MEP1A: variants seen among roughly 807,000 people sequenced by gnomAD.
The protein encoded by MEP1A is N-benzoyl-L-tyrosyl-P-amino-benzoic acid hydrolase subunit alpha.
MEP1A carries 68 observed loss-of-function variants against 84.5 expected under a neutral mutation model. The observed-to-expected ratio is 0.80, with a 90% CI of 0.66 to 0.98. MEP1A has a LOEUF of 0.98. MEP1A is among the 50% of genes least tolerant of loss of function. MEP1A has a pLI of 0.00. For synonymous variants in MEP1A, 337 were observed against 336.8 expected (o/e 1.00, Z -0.01); for missense variants, 887 against 919.9 (o/e 0.96, Z 0.46).
chr6:46,799,624 A>G (rs553906955), intron 5 of MEP1A, among the ~76,000 whole-genome samples: 2 of 152,220 alleles, frequency 1.3e-5, no homozygotes, highest in East Asian at 3.9e-4. Context: ...CATGTTCACA[A>G]TCCTTTTTTC....
At chr6:46,839,857 TC>T (rs1255664265), downstream of MEP1A, 1 of 152,150 alleles carries the variant, frequency 6.6e-6, no homozygotes, top group East Asian at 1.9e-4. Flanking sequence ...AAAAGCTCTT[TC>T]CCAGATCTTT....
At chr6:46,840,370 C>T (rs1768311614), downstream of MEP1A, among the ~76,000 whole-genome samples, 2 of 152,270 alleles carry the variant, frequency 1.3e-5, no homozygotes. Context: ...GTTTCTGGGT[C>T]AGTAGATCTA....
At chr6:46,840,493 C>T (rs1189903913), downstream of MEP1A, among the ~76,000 whole-genome samples, 1 of 152,154 alleles carries the variant, frequency 6.6e-6, no homozygotes, top group Admixed American at 6.6e-5. Flanking sequence ...CTGACTCCCC[C>T]ACAACCTCCA....
At chr6:46,805,433 T>C (rs1562105751) in intron 5 of MEP1A, among the ~76,000 whole-genome samples, 1 of 152,008 alleles carries the variant, frequency 6.6e-6, no homozygotes, top group Non-Finnish European at 1.5e-5. Flanking sequence ...AAGTTACTCA[T>C]TGGTCATTTG....
intron 1 of MEP1A, 30 bp downstream of exon 1, chr6:46,793,497 A>G: frequency 6.3e-7 from 1 of 1,599,284 alleles, no homozygotes; most frequent in Admixed American, 1.7e-5. Context: ...TTGGATATTT[A>G]GAAATATTAA....
intron 6 of MEP1A, among the ~76,000 whole-genome samples, chr6:46,817,875 G>A (rs559718214): frequency 1.1e-3 from 172 of 152,302 alleles, no homozygotes; most frequent in Admixed American, 4.0e-3. Flanking sequence ...GAAAAAGAGA[G>A]GAAGATATTT....
intron 8 of MEP1A, among the ~76,000 whole-genome samples, 175 bp from the exon 9 acceptor site, chr6:46,826,179 A>G (rs1185155734): frequency 3.9e-5 from 6 of 152,140 alleles, no homozygotes; most frequent in Non-Finnish European, 8.8e-5. Flanking sequence ...CTGTGTCTAT[A>G]TATTAGCAAG....
intron 9 of MEP1A, among the ~76,000 whole-genome samples, chr6:46,827,056 A>G (rs1248409567): frequency 3.9e-5 from 6 of 152,340 alleles, no homozygotes; most frequent in African/African-American, 1.4e-4. Flanking sequence ...TTACTCCTAC[A>G]GTACATCTCA....
intron 3 of MEP1A, among the ~76,000 whole-genome samples, chr6:46,796,062 G>T (rs1365220685): frequency 1.3e-5 from 2 of 152,100 alleles, no homozygotes; most frequent in Non-Finnish European, 2.9e-5. Context: ...CAGCCACCCT[G>T]ACTGCACAGC....
intron 5 of MEP1A, among the ~76,000 whole-genome samples, chr6:46,808,977 G>C (rs1055497035): frequency 1.3e-5 from 2 of 151,960 alleles, no homozygotes; most frequent in Non-Finnish European, 2.9e-5. Context: ...TATTCTCACT[G>C]CCTCACTCTA....
At chr6:46,830,327 A>C (rs1240447472) in intron 10 of MEP1A, among the ~76,000 whole-genome samples, 1 of 150,764 alleles carries the variant, frequency 6.6e-6, no homozygotes, top group South Asian at 2.1e-4. Flanking sequence ...AAATGATACC[A>C]TTATTTAATA....
chr6:46,806,280 A>G (rs1267463035), intron 5 of MEP1A, among the ~76,000 whole-genome samples: 2 of 152,068 alleles, frequency 1.3e-5, no homozygotes, highest in African/African-American at 2.4e-5. Context: ...TTGATTATAT[A>G]TTAGACATTG....
chr6:46,832,372 TTCTCACCA>T (rs1768097550), intron 10 of MEP1A, among the ~76,000 whole-genome samples: 1 of 152,226 alleles, frequency 6.6e-6, no homozygotes, highest in South Asian at 2.1e-4. Context: ...TAGAACGGCC[TTCTCACCA>T]TCTTTCCTCA....
intron 7 of MEP1A, 67 bp from the exon 8 acceptor site, chr6:46,825,205 C>T (rs1191790065): frequency 2.2e-6 from 2 of 907,916 alleles, no homozygotes; most frequent in Non-Finnish European, 3.3e-6. Flanking sequence ...CTCTGGGTAT[C>T]TAGTCAAAGA....
rs1419286965 is a variant in MEP1A at position 46,807,572 on chromosome 6, G to A, written c.263-1848G>A. 4.7e-3 allele frequency among the ~76,000 whole-genome samples: 254 copies of A among 53,540 alleles called. 5 individuals carry two copies. Among genetic ancestry groups the A allele is most frequent in the African/African-American group, 0.023 (246 of 10,880 alleles). 35.1% of individuals were successfully genotyped at this position (53,540 alleles called of 152,430 possible). ...AGAAAGAAAGAAAGAAAGAAAGGAAGGAAGGAAGGAAGGAAGGAAGGAAGG... is the reference window on the plus strand; with the variant it reads ...AGAAAGAAAGAAAGAAAGAAAGGAAAGAAGGAAGGAAGGAAGGAAGGAAGG... On this transcript the variant is annotated intron_variant, in intron 5 of 13. Coordinates refer to ENST00000230588, the MANE Select transcript of MEP1A (RefSeq NM_005588.3).
intron 12 of MEP1A, 119 bp from the exon 13 acceptor site, chr6:46,835,130 C>A: frequency 2.3e-6 from 2 of 870,392 alleles, no homozygotes; most frequent in South Asian, 1.8e-5. Context: ...AGCCACTTTT[C>A]CATGTCACTA....
intron 3 of MEP1A, among the ~76,000 whole-genome samples, chr6:46,795,700 C>G (rs1333608913): frequency 1.3e-5 from 2 of 152,190 alleles, no homozygotes; most frequent in Admixed American, 6.5e-5. Flanking sequence ...TTTGACAGGC[C>G]TCATAACTGT....
At position 46,829,360 on chromosome 6, in the gene MEP1A, C is replaced by T. The variant is rs1210130967; in HGVS notation, c.933C>T (p.Ala311=). 6.2e-6 allele frequency: 10 copies of T among 1,612,804 alleles called. No homozygotes were observed. Among genetic ancestry groups the T allele is most frequent in the African/African-American group, 2.7e-5 (2 of 74,852 alleles). ...GTTTGGCTGCTCTTTCCATAGGTGC[C>T]GGCTACTTCATGCAGTTCAGCACCA... is the stretch of plus-strand genomic sequence containing the variant. ...DHTLLGQCTG[A]GYFMQFSTSS... Residue 311 remains alanine (A), a synonymous_variant, in exon 10 of 14, where the codon GCC becomes GCT. Transcript: ENST00000230588.
intron 6 of MEP1A, among the ~76,000 whole-genome samples, chr6:46,811,210 T>G (rs2150745856): frequency 6.6e-6 from 1 of 152,166 alleles, no homozygotes; most frequent in South Asian, 2.1e-4. Flanking sequence ...TTCCTAAGTA[T>G]TTTATTTTAT....
Sources: gnomAD v4.1 joint callset for allele counts (sites outside exome capture counted in the v4.1 genomes callset) on GRCh38, gnomAD v4.1.1 for gene constraint, MANE v1.5 for transcripts, NCBI Gene and HGNC (gene_info 2026-07-23, HGNC 2026-07-21) for gene names.